EFHB: variants seen among roughly 807,000 people sequenced by gnomAD.
EFHB encodes the protein EF-hand domain-containing family member B.
EFHB carries 91 observed loss-of-function variants against 87.2 expected under a neutral mutation model. The ratio of observed to expected loss-of-function variants is 1.04; its 90% CI spans 0.88 to 1.24. The LOEUF (loss-of-function observed/expected upper bound fraction) is 1.24, where lower values mean the gene tolerates loss of function less well. Among genes scored for constraint, EFHB ranks in the 50% most tolerant of loss-of-function variants. The pLI, the probability that EFHB is intolerant of heterozygous loss-of-function variation, is 0.00. For synonymous variants in EFHB, 325 were observed against 333.6 expected (o/e 0.97, Z 0.28); for missense variants, 1,084 against 998.8 (o/e 1.09, Z -1.15).
intron 9 of EFHB, among the ~76,000 whole-genome samples, chr3:19,890,983 A>G (rs1694287334): frequency 6.6e-6 from 1 of 152,198 alleles, no homozygotes; most frequent in Non-Finnish European, 1.5e-5. Flanking sequence ...GTCAAATGGA[A>G]ATGGCATATT....
intron 11 of EFHB, among the ~76,000 whole-genome samples, chr3:19,883,371 A>T (rs2125123028): frequency 6.6e-6 from 1 of 152,364 alleles, no homozygotes; most frequent in East Asian, 1.9e-4. Flanking sequence ...TGGACAACAC[A>T]GTCTAACGAG....
At chr3:19,910,406 G>C (rs1435356537) in intron 5 of EFHB, among the ~76,000 whole-genome samples, 18 of 152,130 alleles carry the variant, frequency 1.2e-4, no homozygotes, top group Admixed American at 1.2e-3. Flanking sequence ...ACTGTATCTT[G>C]TGGTTTGAGT....
At chr3:19,900,198 G>A (rs935551040) in intron 6 of EFHB, among the ~76,000 whole-genome samples, 2 of 152,250 alleles carry the variant, frequency 1.3e-5, no homozygotes, top group East Asian at 1.9e-4. Flanking sequence ...AGGATCAATC[G>A]AGGCTAGGAA....
At chr3:19,933,120 A>T in intron 1 of EFHB, 110 bp downstream of exon 1, 1 of 1,316,138 alleles carries the variant, frequency 7.6e-7, no homozygotes, top group Non-Finnish European at 1.0e-6. Context: ...ATCTCATAAA[A>T]TCCTTGTGAT....
At position 19,934,020 on chromosome 3, in the gene EFHB, G is replaced by A; in HGVS notation, c.-2C>T. ...GGGATGTCCAATCTCCATGTTCATG[G>A]ACGATTTCTCCCCATTCTCATTTCT... On this transcript the variant is annotated 5_prime_UTR_variant, in exon 1 of 13. Coordinates refer to ENST00000295824, the MANE Select transcript of EFHB (RefSeq NM_144715.4). 1.3e-6 allele frequency: 2 copies of A among 1,591,668 alleles called. No individual in the cohort carries two copies. Among genetic ancestry groups the A allele is most frequent in the Middle Eastern group, 1.7e-4 (1 of 6,032 alleles).
chr3:19,879,829 C>G, intron 12 of EFHB, 25 bp from the exon 13 acceptor site: 1 of 1,541,554 alleles, frequency 6.5e-7, no homozygotes, highest in Non-Finnish European at 8.7e-7. Flanking sequence ...TTAAAATAGA[C>G]CATGATTTAT....
intron 5 of EFHB, among the ~76,000 whole-genome samples, chr3:19,914,804 CTT>C (rs1695170514): frequency 6.6e-6 from 1 of 152,200 alleles, no homozygotes; most frequent in Admixed American, 6.5e-5. Flanking sequence ...TAGAATAAGT[CTT>C]GAGCTGAGTG....
At chr3:19,937,646 T>C (rs910154040), upstream of EFHB, among the ~76,000 whole-genome samples, 4 of 152,134 alleles carry the variant, frequency 2.6e-5, no homozygotes, top group Non-Finnish European at 5.9e-5. Context: ...CCTTAAGACT[T>C]TACCTCCAGA....
chr3:19,926,885 C>T (rs1412218194), intron 1 of EFHB, among the ~76,000 whole-genome samples: 3 of 149,634 alleles, frequency 2.0e-5, no homozygotes, highest in Non-Finnish European at 4.4e-5. Flanking sequence ...GTCTCGAACT[C>T]CCAACCTCAG....
At position 19,926,362 on chromosome 3, in the gene EFHB, A is replaced by T. The variant is rs1178201147; in HGVS notation, c.790-5795T>A. ...GTTTTTTTTGTTTTTTGGGGTTTTT[A>T]AAATTTATTTATTTATTTTGAGACG... is the stretch of plus-strand genomic sequence containing the variant. On this transcript the variant is annotated intron_variant, in intron 1 of 12. Transcript: ENST00000295824. Among the ~76,000 whole-genome samples, 5 of 151,324 alleles carry T rather than the reference A, an allele frequency of 3.3e-5. No individual in the cohort carries two copies. The South Asian group carries it at 6.3e-4, about 19-fold the overall frequency.
chr3:19,945,621 T>A (rs960308609), intron 1 of EFHB, among the ~76,000 whole-genome samples: 8 of 152,292 alleles, frequency 5.3e-5, no homozygotes, highest in Admixed American at 4.6e-4. Flanking sequence ...ACTGTTGACA[T>A]GACAAAACTG....
At chr3:19,897,318 A>C (rs1168848961) in intron 8 of EFHB, among the ~76,000 whole-genome samples, 1 of 152,232 alleles carries the variant, frequency 6.6e-6, no homozygotes, top group African/African-American at 2.4e-5. Context: ...GTCAGTCTGC[A>C]TACCAACTTC....
intron 1 of EFHB, among the ~76,000 whole-genome samples, chr3:19,924,673 T>C (rs1695556121): frequency 6.6e-6 from 1 of 152,242 alleles, no homozygotes; most frequent in South Asian, 2.1e-4. Context: ...TATATCTGCA[T>C]GATTCTTTAG....
At chr3:19,885,679 T>C (rs1694074476) in intron 10 of EFHB, among the ~76,000 whole-genome samples, 2 of 152,194 alleles carry the variant, frequency 1.3e-5, no homozygotes, top group Non-Finnish European at 2.9e-5. Context: ...TAGAGAAGGG[T>C]GGATACCGTG....
At chr3:19,899,395 A>G (rs767700392) in intron 7 of EFHB, 37 bp downstream of exon 7, 27 of 1,482,700 alleles carry the variant, frequency 1.8e-5, no homozygotes, top group Non-Finnish European at 1.4e-5. Context: ...AATTCTATGC[A>G]AAGAAACTAT....
intron 1 of EFHB, among the ~76,000 whole-genome samples, chr3:19,923,090 A>C: frequency 6.6e-6 from 1 of 151,912 alleles, no homozygotes. Context: ...ACATGATGAA[A>C]CCCCGTTGCT....
At chr3:19,938,199 G>A (rs1017055180), upstream of EFHB, among the ~76,000 whole-genome samples, 4 of 152,302 alleles carry the variant, frequency 2.6e-5, no homozygotes, top group African/African-American at 9.6e-5. Context: ...GTGATTGACT[G>A]GGAAAGGACA....
At chr3:19,896,472 C>T (rs1284430854) in intron 9 of EFHB, 1 of 650,702 alleles carries the variant, frequency 1.5e-6, no homozygotes, top group African/African-American at 1.8e-5. Context: ...GTTTTTGTTG[C>T]TACTACCTAA....
chr3:19,936,476 A>G (rs973195280), upstream of EFHB: 22 of 447,494 alleles, frequency 4.9e-5, no homozygotes, highest in African/African-American at 4.2e-4. Context: ...AGGTGGGAGG[A>G]TCACTTGAGC....
Sources: gnomAD v4.1 joint callset for allele counts (sites outside exome capture counted in the v4.1 genomes callset) on GRCh38, gnomAD v4.1.1 for gene constraint, MANE v1.5 for transcripts, NCBI Gene and HGNC (gene_info 2026-07-23, HGNC 2026-07-21) for gene names.